ZNF25: variants seen among roughly 807,000 people sequenced by gnomAD.
ZNF25 encodes the protein zinc finger protein 25 (KOX 19).
ZNF25 carries 21 observed loss-of-function variants against 30.9 expected under a neutral mutation model. That is an observed-to-expected ratio of 0.68 (90% CI 0.48 to 0.98). The LOEUF is 0.98. Among genes scored for constraint, ZNF25 ranks in the 50% least tolerant of loss-of-function variants. The probability of loss-of-function intolerance (pLI) is 0.00; values close to 1 mark genes in which losing one functional copy is unlikely to be tolerated. For synonymous variants in ZNF25, 169 were observed against 181.3 expected (o/e 0.93, Z 0.55); for missense variants, 501 against 529.9 (o/e 0.95, Z 0.54).
intron 1 of ZNF25, among the ~76,000 whole-genome samples, chr10:37,973,477 G>A (rs1042751871): frequency 2.6e-5 from 4 of 151,440 alleles, no homozygotes; most frequent in Non-Finnish European, 4.4e-5. Context: ...AAATTACACA[G>A]GTATGGTGGT....
intron 2 of ZNF25, among the ~76,000 whole-genome samples, chr10:37,961,832 A>C (rs561399957): frequency 5.3e-5 from 8 of 151,316 alleles, no homozygotes; most frequent in African/African-American, 1.7e-4. Context: ...GAGGCAGAAG[A>C]AGCACTTGAA....
At chr10:37,966,896 T>C (rs1465114599) in intron 2 of ZNF25, among the ~76,000 whole-genome samples, 5 of 152,182 alleles carry the variant, frequency 3.3e-5, no homozygotes, top group African/African-American at 9.7e-5. Flanking sequence ...AAGGTGGAGA[T>C]TGACTGAATG....
chr10:37,952,150 T>C lies in ZNF25; in HGVS notation c.1348A>G (p.Lys450Glu). ...TCTTACTTCTCAGCATTCCTCTTCTTTGTGTGTGTCTTCTGATGTGCAGTG... is the reference window on the plus strand; with the variant it reads ...TCTTACTTCTCAGCATTCCTCTTCTCTGTGTGTGTCTTCTGATGTGCAGTG... ...QLTAHQKTHT[K>E]KRNAEK is the part of the protein sequence containing the mutation. Residue 450 changes from lysine to glutamate, a missense_variant, in exon 6 of 6, where the codon AAG becomes GAG. Coordinates refer to ENST00000302609, the MANE Select transcript of ZNF25 (RefSeq NM_145011.4). 6.3e-7 allele frequency: 1 copy of C among 1,574,832 alleles called. No individual in the cohort carries two copies. The highest frequency in any genetic ancestry group is 8.6e-7 in the Non-Finnish European group (1 of 1,162,582).
intron 1 of ZNF25, 94 bp from the exon 2 acceptor site, chr10:37,971,901 G>A: frequency 1.3e-6 from 1 of 758,632 alleles, no homozygotes; most frequent in Non-Finnish European, 2.1e-6. Flanking sequence ...GGACCATGAT[G>A]AAGTAGCACC....
intron 2 of ZNF25, among the ~76,000 whole-genome samples, chr10:37,967,555 T>C (rs953639904): frequency 2.0e-5 from 3 of 151,720 alleles, no homozygotes; most frequent in Non-Finnish European, 4.4e-5. Context: ...GGACTAAAAG[T>C]GCACACCACC....
At position 37,963,756 on chromosome 10, in the gene ZNF25, C is replaced by A. The variant is rs544040244; in HGVS notation, c.16-6210G>T. ...TTGGGAGGCCAAAGCAGGTGGATAA[C>A]CTGAGGTCAGGAGTTTGAGACCAGC... On this transcript the variant is annotated intron_variant, in intron 2 of 5. Transcript: ENST00000302609. Among the ~76,000 whole-genome samples, 43 of 152,268 alleles carry A rather than the reference C, an allele frequency of 2.8e-4. No homozygotes were observed. In the South Asian group the frequency reaches 8.9e-3, roughly 32 times the overall value.
intron 2 of ZNF25, among the ~76,000 whole-genome samples, chr10:37,964,604 C>A (rs544912739): frequency 2.6e-5 from 4 of 152,296 alleles, no homozygotes; most frequent in Admixed American, 2.6e-4. Flanking sequence ...GAAGAAATTT[C>A]TAAGCAGCAA....
chr10:37,957,261 A>G (rs1382223372), intron 3 of ZNF25, 146 bp from the exon 4 acceptor site: 24 of 1,259,516 alleles, frequency 1.9e-5, no homozygotes, highest in Non-Finnish European at 6.6e-6. Context: ...AGAGAGGGAC[A>G]CAAATATTTT....
At chr10:37,957,870 T>C (rs575180778) in intron 2 of ZNF25, among the ~76,000 whole-genome samples, 2 of 152,330 alleles carry the variant, frequency 1.3e-5, no homozygotes, top group Middle Eastern at 6.8e-3. Flanking sequence ...GTATTTTTAT[T>C]GTCTGTTTTC....
chr10:37,959,683 C>G (rs1176786268), intron 2 of ZNF25, among the ~76,000 whole-genome samples: 2 of 151,844 alleles, frequency 1.3e-5, no homozygotes, highest in Non-Finnish European at 2.9e-5. Flanking sequence ...AATCTCGGCT[C>G]ACTGCAACCT....
chr10:37,972,229 A>C (rs1047969363), intron 1 of ZNF25, among the ~76,000 whole-genome samples: 1 of 152,218 alleles, frequency 6.6e-6, no homozygotes, highest in Non-Finnish European at 1.5e-5. Flanking sequence ...CTGAATTTTC[A>C]AAGTTCTCAA....
At chr10:37,956,027 G>A (rs1735587) in intron 4 of ZNF25, among the ~76,000 whole-genome samples, 9,123 of 152,174 alleles carry the variant, frequency 0.06, 353 homozygotes, top group Middle Eastern at 0.095. Context: ...AATATCTAGC[G>A]AGCAACTAAT....
intron 2 of ZNF25, among the ~76,000 whole-genome samples, chr10:37,961,397 A>T (rs953114989): frequency 1.3e-5 from 2 of 152,234 alleles, no homozygotes; most frequent in Non-Finnish European, 2.9e-5. Flanking sequence ...ATGACTTCTC[A>T]TATGTAGAAC....
At chr10:37,960,829 T>C (rs1292814446) in intron 2 of ZNF25, among the ~76,000 whole-genome samples, 3 of 151,982 alleles carry the variant, frequency 2.0e-5, no homozygotes, top group African/African-American at 7.3e-5. Context: ...AGAGTCCAAA[T>C]TAGCATAACC....
intron 4 of ZNF25, among the ~76,000 whole-genome samples, chr10:37,956,348 TA>T (rs2062519936): frequency 6.6e-6 from 1 of 152,188 alleles, no homozygotes; most frequent in South Asian, 2.1e-4. Context: ...CGATGCCATT[TA>T]AAAACGTTAT....
chr10:37,969,088 C>T (rs1212897573), intron 2 of ZNF25, among the ~76,000 whole-genome samples: 1 of 152,024 alleles, frequency 6.6e-6, no homozygotes. Flanking sequence ...ACCACTTCAC[C>T]CCCCCACCCC....
Position 37,952,813 on chromosome 10 carries a change from G to T in ZNF25, c.685C>A (p.Pro229Thr), listed in dbSNP as rs142092516. Residue 229 changes from proline to threonine, a missense_variant, in exon 6 of 6, where the codon CCT becomes ACT. Coordinates refer to ENST00000302609, the MANE Select transcript of ZNF25 (RefSeq NM_145011.4). ...TTCCCACATTCAGTACATTCAAAAG[G>T]TTTCTCCCCTGTGTGTGTTTTCTGA... ...EHQKTHTGEK[P>T]FECTECGKFF... 5.0e-6 allele frequency: 8 copies of T among 1,613,774 alleles called. No homozygotes were observed. In the Admixed American group the frequency reaches 1.2e-4, roughly 24 times the overall value.
chr10:37,962,795 T>C (rs989586562), intron 2 of ZNF25, among the ~76,000 whole-genome samples: 15 of 152,112 alleles, frequency 9.9e-5, no homozygotes, highest in African/African-American at 3.6e-4. Context: ...TATGCATAAA[T>C]TTTACAACTT....
At position 37,952,029 on chromosome 10, in the gene ZNF25, T is replaced by C. The variant is rs1002850023; in HGVS notation, c.*98A>G. The C allele has an allele frequency of 3.5e-6, 4 of 1,139,972 alleles. No homozygotes were observed. The highest frequency in any genetic ancestry group is 5.4e-5 in the Admixed American group (2 of 36,788). 70.6% of individuals were successfully genotyped at this position (1,139,972 alleles called of 1,614,324 possible). A position where few individuals can be genotyped will look rare whatever the true frequency, so the allele number is the denominator to read the frequency against. ...AGAGAGCAAAGATTGTAGCTGAAAA[T>C]TTCCCTCTATTGATGCGATTCATAA... is the stretch of plus-strand genomic sequence containing the variant. On this transcript the variant is annotated 3_prime_UTR_variant, in exon 6 of 6. Transcript: ENST00000302609.
Sources: allele counts gnomAD v4.1 joint callset (sites outside exome capture counted in the v4.1 genomes callset), GRCh38; gene constraint gnomAD v4.1.1; transcripts MANE v1.5; gene names NCBI Gene and HGNC (gene_info 2026-07-23, HGNC 2026-07-21).